Variants in CDH4 observed in about 807,000 individuals in gnomAD.
CDH4 encodes the protein cadherin-4.
Under a neutral mutation model 86.0 loss-of-function variants are expected in CDH4, and 33 were observed. The ratio of observed to expected loss-of-function variants is 0.38; its 90% CI spans 0.29 to 0.51. CDH4 has a LOEUF of 0.51. Among genes scored for constraint, CDH4 ranks in the 20% least tolerant of loss-of-function variants. CDH4 has a pLI of 0.86. For synonymous variants in CDH4, 555 were observed against 549.4 expected (o/e 1.01, Z -0.14); for missense variants, 1,114 against 1,307.4 (o/e 0.85, Z 2.28).
chr20:61,302,639 C>T (rs1324245910), intron 2 of CDH4, among the ~76,000 whole-genome samples: 1 of 152,086 alleles, frequency 6.6e-6, no homozygotes, highest in Non-Finnish European at 1.5e-5. Context: ...CCTGCATGGC[C>T]CGGAGGGATG....
intron 2 of CDH4, among the ~76,000 whole-genome samples, chr20:61,292,254 T>C (rs1047570530): frequency 5.3e-5 from 8 of 152,126 alleles, no homozygotes; most frequent in African/African-American, 1.7e-4. Flanking sequence ...CAGTGACAGA[T>C]TGGAGAAGAA....
rs754090199 is a variant in CDH4, at chr20:61,924,331, C to T, written c.1629-3C>T. The T allele has an allele frequency of 6.2e-6, 10 of 1,612,426 alleles. No individual in the cohort carries two copies. The highest frequency in any genetic ancestry group is 8.5e-6 in the Non-Finnish European group (10 of 1,179,558). On this transcript the variant is annotated splice_polypyrimidine_tract_variant and splice_region_variant and intron_variant, in intron 10 of 15. Coordinates refer to ENST00000614565, the MANE Select transcript of CDH4 (RefSeq NM_001794.5). ...CCTCCCCCTGCACTTGTGGTCTCCG[C>T]AGATACTCAAAGCTGTCAGACCCAG...
intron 2 of CDH4, among the ~76,000 whole-genome samples, chr20:61,705,931 G>A (rs1407903989): frequency 1.3e-5 from 2 of 152,166 alleles, no homozygotes; most frequent in South Asian, 2.1e-4. Context: ...TGCTGAGCTC[G>A]GAGCCCCTTG....
intron 2 of CDH4, among the ~76,000 whole-genome samples, chr20:61,545,961 CGTGTGTGTGTGT>C (rs149485653): frequency 7.2e-4 from 35 of 48,332 alleles, no homozygotes; most frequent in East Asian, 8.1e-4. Context: ...GGTGTGTGTT[CGTGTGTGTGTGT>C]GTGTGTGTGG....
chr20:61,755,513 C>T lies in CDH4; in HGVS notation c.396+11724C>T, dbSNP rs929745251. 2.0e-5 allele frequency among the ~76,000 whole-genome samples: 3 copies of T among 148,242 alleles called. No homozygotes were observed. In the South Asian group the frequency reaches 6.5e-4, roughly 32 times the overall value. ...ATCACACACCACACACACACATGCC[C>T]CATACACACCACACACACCATATAC... is the stretch of plus-strand genomic sequence containing the variant. On this transcript the variant is annotated intron_variant, in intron 3 of 15. Transcript: ENST00000614565.
intron 2 of CDH4, among the ~76,000 whole-genome samples, chr20:61,733,352 C>T (rs570859747): frequency 3.9e-5 from 6 of 152,240 alleles, no homozygotes; most frequent in African/African-American, 7.2e-5. Flanking sequence ...CACTCACAGC[C>T]GCCGCTCCCA....
chr20:61,873,931 G>A (rs773594031), intron 7 of CDH4, 31 bp downstream of exon 7: 2 of 1,607,708 alleles, frequency 1.2e-6, no homozygotes, highest in Admixed American at 1.7e-5. Context: ...CGTGCAGGCG[G>A]GTGAGCTCCT....
chr20:61,362,208 G>C (rs2084787073), intron 2 of CDH4, among the ~76,000 whole-genome samples: 1 of 152,236 alleles, frequency 6.6e-6, no homozygotes, highest in Admixed American at 6.5e-5. Flanking sequence ...TGCAAAGCCT[G>C]GCAGGGGGGG....
At position 61,480,467 on chromosome 20, in the gene CDH4, A is replaced by G. The variant is rs1300704875; in HGVS notation, c.169+225530A>G. Among the ~76,000 whole-genome samples the G allele has an allele frequency of 6.6e-6, 1 of 152,184 alleles. No individual in the cohort carries two copies. Among genetic ancestry groups the G allele is most frequent in the Non-Finnish European group, 1.5e-5 (1 of 68,028 alleles). On this transcript the variant is annotated intron_variant, in intron 2 of 15. Transcript: ENST00000614565. The surrounding 1 kb of genome is among the most constrained non-coding windows in gnomAD (Gnocchi z 5.2). ...TTCCCTCTTCGTCCAGGTTTTATCA[A>G]AGTGCCCGATGAGACATGTTCCCTG...
At chr20:61,275,051 G>A (rs1291128886) in intron 2 of CDH4, among the ~76,000 whole-genome samples, 5 of 133,406 alleles carry the variant, frequency 3.7e-5, no homozygotes, top group Non-Finnish European at 3.1e-5. Context: ...GTTTGGGGGA[G>A]TACCGTGTGC....
Position 61,620,158 on chromosome 20 carries a change from A to ATGGATGGATGGACGGATGGGTGGGTGGG in CDH4, c.170-123393_170-123392insCGGATGGGTGGGTGGGTGGATGGATGGA, listed in dbSNP as rs1568716678. 2.8e-4 allele frequency among the ~76,000 whole-genome samples: 35 copies of ATGGATGGATGGACGGATGGGTGGGTGGG among 125,188 alleles called. 3 individuals are homozygous for ATGGATGGATGGACGGATGGGTGGGTGGG. Among genetic ancestry groups the ATGGATGGATGGACGGATGGGTGGGTGGG allele is most frequent in the African/African-American group, 9.7e-4 (30 of 30,774 alleles). The allele number at this position is 125,188 out of a possible 152,430, so 82.1% of individuals were successfully genotyped here. On this transcript the variant is annotated intron_variant, in intron 2 of 15. Transcript: ENST00000614565. ...GGTACCACTTGGAAAGATGGTTTGGATGGATGGATGGATGGATGGGTGGGT... is the reference window on the plus strand; with the variant it reads ...GGTACCACTTGGAAAGATGGTTTGGATGGATGGATGGACGGATGGGTGGGTGGGTGGATGGATGGATGGATGGGTGGGT...
At chr20:61,727,212 C>T (rs111067182) in intron 2 of CDH4, among the ~76,000 whole-genome samples, 7,879 of 150,698 alleles carry the variant, frequency 0.052, 377 homozygotes, top group African/African-American at 0.13. Flanking sequence ...TCTTCACCAC[C>T]GGAGCCATCA....
intron 2 of CDH4, among the ~76,000 whole-genome samples, chr20:61,432,833 ATT>A (rs36067606): frequency 6.7e-4 from 68 of 101,692 alleles, no homozygotes; most frequent in East Asian, 2.1e-3. Context: ...TAAATCCATG[ATT>A]TTTTTTTTTT....
At chr20:61,747,256 C>T (rs1370007992) in intron 3 of CDH4, among the ~76,000 whole-genome samples, 3 of 152,012 alleles carry the variant, frequency 2.0e-5, no homozygotes, top group East Asian at 3.9e-4. Context: ...CTGGCTAACA[C>T]GGTGAAACTC....
intron 2 of CDH4, among the ~76,000 whole-genome samples, chr20:61,472,658 T>C (rs2145569901): frequency 6.6e-6 from 1 of 152,360 alleles, no homozygotes; most frequent in East Asian, 1.9e-4. Flanking sequence ...ACCTCACAGC[T>C]TGACTGTCAG....
At chr20:61,735,814 G>A (rs60084953) in intron 2 of CDH4, among the ~76,000 whole-genome samples, 15,893 of 152,172 alleles carry the variant, frequency 0.1, 1,095 homozygotes, top group South Asian at 0.2. Flanking sequence ...CCCAGCAGAC[G>A]TGTCTGAGAG....
intron 2 of CDH4, among the ~76,000 whole-genome samples, chr20:61,388,905 GA>G (rs1375760729): frequency 2.0e-5 from 3 of 152,258 alleles, no homozygotes; most frequent in Admixed American, 1.3e-4. Context: ...ATTCTGTTTC[GA>G]TTTTTTTACA....
intron 4 of CDH4, among the ~76,000 whole-genome samples, chr20:61,785,398 G>C (rs932536469): frequency 6.6e-6 from 1 of 152,224 alleles, no homozygotes; most frequent in Non-Finnish European, 1.5e-5. Flanking sequence ...CTGGCCCAGA[G>C]AATCCCTCAG....
chr20:61,345,980 C>T (rs539869655), intron 2 of CDH4, among the ~76,000 whole-genome samples: 1 of 152,338 alleles, frequency 6.6e-6, no homozygotes, highest in East Asian at 1.9e-4. Flanking sequence ...CACGTTCTCC[C>T]TTCCTCATGC....
Sources: allele counts gnomAD v4.1 joint callset (sites outside exome capture counted in the v4.1 genomes callset), GRCh38; gene constraint gnomAD v4.1.1; non-coding constraint Gnocchi (gnomAD v3.1); transcripts MANE v1.5; gene names NCBI Gene and HGNC (gene_info 2026-07-23, HGNC 2026-07-21).